Variants in ELFN2 observed in about 807,000 individuals in gnomAD.
ELFN2 encodes extracellular leucine rich repeat and fibronectin type III domain containing 2.
ELFN2 carries 17 observed loss-of-function variants against 45.5 expected under a neutral mutation model. That is an observed-to-expected ratio of 0.37 (90% CI 0.26 to 0.56). The LOEUF (loss-of-function observed/expected upper bound fraction) is 0.56. Ranked by LOEUF, ELFN2 falls within the 20% of genes least tolerant of loss-of-function variation. The probability of loss-of-function intolerance (pLI) is 0.77; values close to 1 mark genes in which losing one functional copy is unlikely to be tolerated. For missense variants in ELFN2, 922 were observed against 1,183.2 expected (o/e 0.78, Z 3.24); for synonymous variants, 550 against 551.5 (o/e 1.00, Z 0.04).
intron 2 of ELFN2, among the ~76,000 whole-genome samples, chr22:37,392,845 A>G (rs1450585858): frequency 6.6e-6 from 1 of 152,126 alleles, no homozygotes; most frequent in East Asian, 1.9e-4. Context: ...GATGTATGTA[A>G]TATTCATATT....
At chr22:37,394,480 T>C (rs1435260635) in intron 2 of ELFN2, among the ~76,000 whole-genome samples, 1 of 152,034 alleles carries the variant, frequency 6.6e-6, no homozygotes, top group Non-Finnish European at 1.5e-5. Flanking sequence ...CCAGGCTCCC[T>C]CCCGCCCTCC....
rs1228993421 is a variant in ELFN2 at position 37,373,540 on chromosome 22, C to T, written c.1995G>A (p.Glu665=). 9 of 1,586,614 alleles carry T rather than the reference C, an allele frequency of 5.7e-6. No individual in the cohort carries two copies. Among genetic ancestry groups the T allele is most frequent in the Non-Finnish European group, 7.7e-6 (9 of 1,168,320 alleles). ...GLAKGDSKYI[E]KGSPLNSPLD... is the part of the protein sequence containing the mutation. ...GCGGGCTGTTGAGGGGGCTGCCCTT[C>T]TCGATGTACTTGGAGTCGCCCTTAG... is the stretch of plus-strand genomic sequence containing the variant. The change falls in exon 3 of 3, where the codon GAG becomes GAA. Residue 665 remains glutamate (E), a synonymous_variant. Transcript: ENST00000402918.
chr22:37,342,941 T>C (rs906363721), intron 1 of ELFN2, among the ~76,000 whole-genome samples: 4 of 152,162 alleles, frequency 2.6e-5, no homozygotes, highest in Non-Finnish European at 4.4e-5. Flanking sequence ...CTGAGAGCCT[T>C]GCCCAAGGTC....
intron 1 of ELFN2, chr22:37,419,034 C>G (rs1465043268): frequency 2.0e-5 from 3 of 152,146 alleles, no homozygotes; most frequent in Non-Finnish European, 2.9e-5. Context: ...TCTTGGCCCT[C>G]CCCCGCAGGC....
chr22:37,352,860 G>A (rs986314130), intron 1 of ELFN2, among the ~76,000 whole-genome samples: 3 of 150,920 alleles, frequency 2.0e-5, no homozygotes, highest in Non-Finnish European at 3.0e-5. Context: ...TCTGATGTTC[G>A]TTTTTAACGA....
At chr22:37,419,406 ACCG>A (rs774247131) in intron 1 of ELFN2, among the ~76,000 whole-genome samples, 1 of 151,930 alleles carries the variant, frequency 6.6e-6, no homozygotes, top group Non-Finnish European at 1.5e-5. Context: ...AGAACTTCCC[ACCG>A]CCGCAGAGAA....
chr22:37,375,511 C>T lies in ELFN2; in HGVS notation c.24G>A (p.Ala8=), dbSNP rs552165003. 1.6e-4 allele frequency: 249 copies of T among 1,565,968 alleles called. 4 individuals carry two copies. The South Asian group carries it at 2.3e-3, about 15-fold the overall frequency. MLRLGLC[A]AALLCVCRPG... ...GCCGGCACACGCACAGCAGCGCCGC[C>T]GCGCACAGCCCCAGGCGCAGCATGG... Residue 8 remains alanine (A), a synonymous_variant, in exon 3 of 3, where the codon GCG becomes GCA. Transcript: ENST00000402918.
intron 2 of ELFN2, among the ~76,000 whole-genome samples, chr22:37,386,782 C>A (rs1455222447): frequency 6.6e-6 from 1 of 152,238 alleles, no homozygotes; most frequent in African/African-American, 2.4e-5. Flanking sequence ...CCACCAACTC[C>A]GCGTGGCCAG....
chr22:37,407,863 C>A (rs1250759364), intron 2 of ELFN2, among the ~76,000 whole-genome samples: 1 of 151,964 alleles, frequency 6.6e-6, no homozygotes, highest in Non-Finnish European at 1.5e-5. Flanking sequence ...CCACTACACT[C>A]CAGCCTGGGG....
intron 2 of ELFN2, among the ~76,000 whole-genome samples, chr22:37,380,977 T>C (rs992729720): frequency 1.3e-5 from 2 of 152,110 alleles, no homozygotes; most frequent in African/African-American, 4.8e-5. Context: ...AAGTTAACTT[T>C]TTGGATTTCC....
chr22:37,402,312 G>T (rs797018570), intron 2 of ELFN2, among the ~76,000 whole-genome samples: 1 of 152,182 alleles, frequency 6.6e-6, no homozygotes, highest in Non-Finnish European at 1.5e-5. Flanking sequence ...CCTGTGGTTC[G>T]GTTTTGTTGG....
At chr22:37,415,860 G>T (rs1207820207) in intron 2 of ELFN2, among the ~76,000 whole-genome samples, 1 of 152,220 alleles carries the variant, frequency 6.6e-6, no homozygotes, top group Non-Finnish European at 1.5e-5. Flanking sequence ...TACTCAAGGA[G>T]GCTGAAGCAG....
rs550532926 is a variant in ELFN2 at position 37,373,698 on chromosome 22, G to A, written c.1837C>T (p.Pro613Ser). 9.6e-6 allele frequency: 15 copies of A among 1,558,744 alleles called. No individual in the cohort carries two copies. The South Asian group carries it at 1.6e-4, about 17-fold the overall frequency. The change falls in exon 3 of 3, where the codon CCA becomes TCA. Residue 613 changes from proline (P) to serine (S), a missense_variant. Pro to Ser is a moderately conservative substitution (Grantham distance 74). Transcript: ENST00000402918. ...TCGGCGCTCAGCTGGCGCTGTAGTG[G>A]GTGGTGGGAGCTCTCCTTGTAGGGA... The part of the protein sequence containing the change: ...SPPYKESSHH[P>S]LQRQLSADAA...
intron 1 of ELFN2, among the ~76,000 whole-genome samples, chr22:37,352,938 A>G (rs915686371): frequency 6.6e-6 from 1 of 150,914 alleles, no homozygotes; most frequent in African/African-American, 2.4e-5. Context: ...CAGGCAGGCC[A>G]GTTAAGAGGA....
At chr22:37,356,033 G>A (rs569354881) in intron 1 of ELFN2, among the ~76,000 whole-genome samples, 2 of 152,350 alleles carry the variant, frequency 1.3e-5, no homozygotes, top group South Asian at 2.1e-4. Context: ...TTGAGTGCAG[G>A]TGTTTTTTTG....
intron 2 of ELFN2, among the ~76,000 whole-genome samples, chr22:37,399,877 AGAAG>A (rs1452898093): frequency 3.3e-5 from 5 of 152,306 alleles, no homozygotes; most frequent in Non-Finnish European, 5.9e-5. Flanking sequence ...GGTAAATGAA[AGAAG>A]GAAGGGCTTG....
chr22:37,425,897 A>ACACACACT (rs1171428939), intron 1 of ELFN2, among the ~76,000 whole-genome samples: 1 of 145,664 alleles, frequency 6.9e-6, no homozygotes, highest in Non-Finnish European at 1.5e-5. Context: ...ACACACACAC[A>ACACACACT]CTCCCAGTCC....
chr22:37,377,426 A>AC (rs2145639942), intron 2 of ELFN2, among the ~76,000 whole-genome samples: 1 of 152,260 alleles, frequency 6.6e-6, no homozygotes, highest in South Asian at 2.1e-4. Context: ...CACAAGAGCC[A>AC]CCTCTGCCTC....
intron 1 of ELFN2, chr22:37,354,671 T>C (rs962935538): frequency 6.7e-6 from 1 of 149,386 alleles, no homozygotes; most frequent in Non-Finnish European, 1.5e-5. Context: ...ATGGGGTTCT[T>C]ATGGGGTTTT....
Sources: allele counts gnomAD v4.1 joint callset (sites outside exome capture counted in the v4.1 genomes callset), GRCh38; gene constraint gnomAD v4.1.1; transcripts MANE v1.5; gene names NCBI Gene and HGNC (gene_info 2026-07-23, HGNC 2026-07-21).